The following CKAP2L variants were observed in gnomAD, a reference collection of about 807,000 sequenced individuals.
CKAP2L encodes cytoskeleton associated protein 2L, also known as cytoskeleton-associated protein 2-like.
A neutral mutation model predicts 65.7 loss-of-function variants in CKAP2L; 42 were observed. That is an observed-to-expected ratio of 0.64 (90% CI 0.50 to 0.83). The LOEUF is 0.83. Ranked by LOEUF, CKAP2L falls within the 40% of genes least tolerant of loss-of-function variation. CKAP2L has a pLI of 0.00. For synonymous variants in CKAP2L, 325 were observed against 313.5 expected, an observed-to-expected ratio of 1.04 and a Z score of -0.39; for missense variants, 908 against 871.0, an observed-to-expected ratio of 1.04 and a Z score of -0.53.
chr2:112,758,670 G>A (rs1680617743), intron 3 of CKAP2L, among the ~76,000 whole-genome samples: 1 of 152,190 alleles, frequency 6.6e-6, no homozygotes, highest in Admixed American at 6.5e-5. Context: ...GAGGTGGAGG[G>A]ACGTTGGCAT....
At chr2:112,740,768 G>T in intron 8 of CKAP2L, 50 bp downstream of exon 8, 1 of 1,445,642 alleles carries the variant, frequency 6.9e-7, no homozygotes, top group Non-Finnish European at 9.6e-7. Context: ...ATCGAGACTT[G>T]GACTAGAATT....
intron 5 of CKAP2L, among the ~76,000 whole-genome samples, chr2:112,751,288 A>C (rs918717085): frequency 1.3e-5 from 2 of 152,244 alleles, no homozygotes; most frequent in African/African-American, 2.4e-5. Context: ...CAAAGTACAC[A>C]AAAATGTGAA....
In CKAP2L at chr2:112,738,463, A is replaced by C. The variant is rs530066842; in HGVS notation, c.*360T>G. Reference sequence around the variant, plus strand: ...CGATGAAAGAACTTGCCCTCTGCTAAGGTGGATGCAGAAAGAAAAGTCCCA... The same window carrying C: ...CGATGAAAGAACTTGCCCTCTGCTACGGTGGATGCAGAAAGAAAAGTCCCA... On this transcript the variant is annotated 3_prime_UTR_variant, in exon 9 of 9. Coordinates refer to ENST00000302450, the MANE Select transcript of CKAP2L (RefSeq NM_152515.5). 19 of 215,508 alleles carry C rather than the reference A, an allele frequency of 8.8e-5. No individual in the cohort carries two copies. In the South Asian group the frequency reaches 1.3e-3, roughly 15 times the overall value. The allele number at this position is 215,508 out of a possible 1,614,324, so 13.3% of individuals were successfully genotyped here.
At chr2:112,762,818 C>T (rs1434619362) in intron 1 of CKAP2L, among the ~76,000 whole-genome samples, 2 of 148,570 alleles carry the variant, frequency 1.3e-5, no homozygotes, top group East Asian at 3.9e-4. Context: ...GGGTCTTCCT[C>T]TGTCACTGAG....
intron 3 of CKAP2L, among the ~76,000 whole-genome samples, chr2:112,757,471 C>T (rs1680581269): frequency 6.7e-6 from 1 of 148,188 alleles, no homozygotes; most frequent in Admixed American, 6.9e-5. Flanking sequence ...CTCATTGCAA[C>T]CTCTGCCTCC....
In CKAP2L at chr2:112,756,471, G is replaced by A; in HGVS notation, c.900C>T (p.Ile300=). The A allele has an allele frequency of 1.2e-6, 2 of 1,611,068 alleles. No individual in the cohort carries two copies. The highest frequency in any genetic ancestry group is 1.7e-6 in the Non-Finnish European group (2 of 1,179,052). The change falls in exon 4 of 9, where the codon ATC becomes ATT. Residue 300 remains isoleucine, a synonymous_variant. Transcript: ENST00000302450. ...GACTCCTATTAACCTTTATATCTTT[G>A]ATGTTCTTGACTACTGGTTTCTTTG... ...QSSKKPVVKN[I]KDIKVNRSQY...
rs2104884908 is a variant in CKAP2L at position 112,756,844 on chromosome 2, A to G, written c.527T>C (p.Leu176Ser). The change falls in exon 4 of 9, where the codon TTG becomes TCG. Residue 176 changes from leucine to serine, a missense_variant. Leu to Ser is a moderately radical substitution (Grantham distance 145, BLOSUM62 -2). Coordinates refer to ENST00000302450, the MANE Select transcript of CKAP2L (RefSeq NM_152515.5). Reference protein sequence around the residue: ...MNNIHVENESLDNFLKETNKE... With the variant: ...MNNIHVENESSDNFLKETNKE... ...GTTTGTTTCTTTTAGAAAGTTATCCAAAGATTCGTTTTCAACATGGATATT... is the reference window on the plus strand; with the variant it reads ...GTTTGTTTCTTTTAGAAAGTTATCCGAAGATTCGTTTTCAACATGGATATT... The G allele has an allele frequency of 2.5e-6, 4 of 1,603,138 alleles. No individual in the cohort carries two copies. The highest frequency in any genetic ancestry group is 3.5e-5 in the Admixed American group (2 of 57,064).
At chr2:112,749,640 TAA>T (rs768321320) in intron 5 of CKAP2L, among the ~76,000 whole-genome samples, 96 of 152,088 alleles carry the variant, frequency 6.3e-4, no homozygotes, top group Admixed American at 9.8e-4. Context: ...ATCTGGAAAT[TAA>T]AAGATACTTT....
In CKAP2L at chr2:112,756,898, C is replaced by T; in HGVS notation, c.473G>A (p.Gly158Glu). 6.2e-7 allele frequency: 1 copy of T among 1,613,902 alleles called. No individual in the cohort carries two copies. The highest frequency in any genetic ancestry group is 8.5e-7 in the Non-Finnish European group (1 of 1,179,914). ...KTTKQQLTDQ[G>E]NGKCIDFMNN... Reference sequence around the variant, plus strand: ...CATAAAGTCTATACATTTACCATTTCCTTGATCTGTTAACTGCTGCTTTGT... The same window carrying T: ...CATAAAGTCTATACATTTACCATTTTCTTGATCTGTTAACTGCTGCTTTGT... Residue 158 changes from glycine (G) to glutamate (E), a missense_variant, in exon 4 of 9, where the codon GGA becomes GAA. By Grantham distance (98) the Gly-to-Glu change is moderately conservative. Coordinates refer to ENST00000302450, the MANE Select transcript of CKAP2L (RefSeq NM_152515.5).
intron 2 of CKAP2L, among the ~76,000 whole-genome samples, 154 bp from the exon 3 acceptor site, chr2:112,760,918 TATC>T (rs1365342222): frequency 1.3e-5 from 2 of 152,058 alleles, no homozygotes; most frequent in African/African-American, 2.4e-5. Flanking sequence ...AAAGTCTCCT[TATC>T]ATCATTTCTT....
chr2:112,738,906 C>T lies in CKAP2L; in HGVS notation c.2155G>A (p.Glu719Lys). 1 of 1,614,144 alleles carries T rather than the reference C, an allele frequency of 6.2e-7. No individual in the cohort carries two copies. Among genetic ancestry groups the T allele is most frequent in the Non-Finnish European group, 8.5e-7 (1 of 1,179,992 alleles). The change falls in exon 9 of 9, where the codon GAA becomes AAA. Residue 719 changes from glutamate to lysine, a missense_variant. Transcript: ENST00000302450. ...LVVASLDELL[E>K]VEETKCFIFR... ...ATAAAACATTTTGTTTCTTCCACTT[C>T]TAACAGTTCATCAAGAGAAGCCACT...
chr2:112,746,558 T>C lies in CKAP2L; in HGVS notation c.1620A>G (p.Glu540=). ...GAATGCTGGACAATATGTTAAGTAT[T>C]TCATTAGAAGGTACACCCTGAAATA... ...NLIEGGVPSN[E]ILNILSSIPE... The change falls in exon 6 of 9, where the codon GAA becomes GAG. Residue 540 remains glutamate, a synonymous_variant. Transcript: ENST00000302450. 1 of 1,610,620 alleles carries C rather than the reference T, an allele frequency of 6.2e-7. No homozygotes were observed. Among genetic ancestry groups the C allele is most frequent in the Non-Finnish European group, 8.5e-7 (1 of 1,177,544 alleles).
intron 4 of CKAP2L, among the ~76,000 whole-genome samples, chr2:112,754,647 G>C (rs1310209617): frequency 6.6e-6 from 1 of 152,226 alleles, no homozygotes; most frequent in South Asian, 2.1e-4. Flanking sequence ...GCACACTGCA[G>C]GTGCTGAAGA....
At chr2:112,746,627 C>T in intron 5 of CKAP2L, 52 bp from the exon 6 acceptor site, 6 of 1,315,464 alleles carry the variant, frequency 4.6e-6, no homozygotes, top group Non-Finnish European at 6.4e-6. Flanking sequence ...CACTGTTAGT[C>T]TCACATCTCC....
chr2:112,743,264 T>A (rs1680081670), intron 6 of CKAP2L, among the ~76,000 whole-genome samples: 1 of 152,102 alleles, frequency 6.6e-6, no homozygotes, highest in Admixed American at 6.6e-5. Context: ...TGCCTCAGCC[T>A]CCCAAGTAGC....
rs552919238 is a variant in CKAP2L at position 112,743,185 on chromosome 2, C to T, written c.1759-416G>A. On this transcript the variant is annotated intron_variant, in intron 6 of 8. Transcript: ENST00000302450. Reference sequence around the variant, plus strand: ...CTTGAGACAGAGTCTTACTCTGTCCCAGGCTGGAGTGCAGTGGCGCGATCT... The same window carrying T: ...CTTGAGACAGAGTCTTACTCTGTCCTAGGCTGGAGTGCAGTGGCGCGATCT... Among the ~76,000 whole-genome samples the T allele has an allele frequency of 7.2e-5, 11 of 152,234 alleles. No individual in the cohort carries two copies. In the East Asian group the frequency reaches 1.9e-3, roughly 27 times the overall value.
intron 3 of CKAP2L, 92 bp from the exon 4 acceptor site, chr2:112,757,306 A>G (rs1558762799): frequency 2.3e-6 from 2 of 874,332 alleles, no homozygotes; most frequent in South Asian, 4.4e-5. Context: ...GCTAAAAAAA[A>G]TAATCATTTT....
chr2:112,760,715 AT>A lies in CKAP2L; in HGVS notation c.153del (p.Lys51AsnfsTer53). On this transcript the variant is annotated frameshift_variant, in exon 3 of 9. Coordinates refer to ENST00000302450, the MANE Select transcript of CKAP2L (RefSeq NM_152515.5). LOFTEE classifies it high-confidence loss of function. ...TAAAAAGACTAATTTCTACTTACAG[AT>A]TTAGAAGGTGGTTGATTCTGGCAAT... is the stretch of plus-strand genomic sequence containing the variant. ...KNNCQNQPPS[K>X]STIRPKNDVT... is the part of the protein sequence containing the mutation. 1 of 1,464,464 alleles carries A rather than the reference AT, an allele frequency of 6.8e-7. No individual in the cohort carries two copies. The allele number at this position is 1,464,464 out of a possible 1,614,324, so 90.7% of individuals were successfully genotyped here.
intron 5 of CKAP2L, among the ~76,000 whole-genome samples, chr2:112,750,935 GATTA>G (rs1260853555): frequency 6.6e-6 from 1 of 151,940 alleles, no homozygotes; most frequent in African/African-American, 2.4e-5. Flanking sequence ...CTTTTAAAAA[GATTA>G]ATGAGAAAAA....
Sources: gnomAD v4.1 joint callset for allele counts (sites outside exome capture counted in the v4.1 genomes callset) on GRCh38, gnomAD v4.1.1 for gene constraint, MANE v1.5 for transcripts, NCBI Gene and HGNC (gene_info 2026-07-23, HGNC 2026-07-21) for gene names.